BCAT1: variants seen among roughly 807,000 people sequenced by gnomAD.
BCAT1 encodes the protein branched-chain-amino-acid aminotransferase, cytosolic.
A neutral mutation model predicts 52.4 loss-of-function variants in BCAT1; 48 were observed. The observed-to-expected ratio is 0.92, with a 90% CI of 0.73 to 1.16. The LOEUF (loss-of-function observed/expected upper bound fraction) is 1.16. Ranked by LOEUF, BCAT1 falls within the 50% of genes most tolerant of loss-of-function variation. The pLI is 0.00. For synonymous variants in BCAT1, 167 were observed against 161.3 expected, an observed-to-expected ratio of 1.04 and a Z score of -0.27; for missense variants, 451 against 457.1, an observed-to-expected ratio of 0.99 and a Z score of 0.12.
chr12:24,901,988 G>A (rs1943117232), intron 1 of BCAT1, 103 bp from the exon 2 acceptor site: 6 of 1,603,598 alleles, frequency 3.7e-6, no homozygotes, highest in Non-Finnish European at 5.1e-6. Context: ...TCCTCTCCAG[G>A]ACCCAGGCAA....
chr12:24,812,839 AT>A lies in BCAT1; in HGVS notation c.*5168del, dbSNP rs1939734328. 6.6e-6 allele frequency: 1 copy of A among 152,024 alleles called. No individual in the cohort carries two copies. The highest frequency in any genetic ancestry group is 2.1e-4 in the South Asian group (1 of 4,820). 9.4% of individuals were successfully genotyped at this position (152,024 alleles called of 1,614,324 possible). A position where few individuals can be genotyped will look rare whatever the true frequency, so the allele number is the denominator to read the frequency against. On this transcript the variant is annotated 3_prime_UTR_variant, in exon 11 of 11. Coordinates refer to ENST00000261192, the MANE Select transcript of BCAT1 (RefSeq NM_005504.7). ...TGTAGAGAAAAGCCAGTGAAACTAT[AT>A]TTTAATTCATTCTTACACCACAGCC...
intron 1 of BCAT1, among the ~76,000 whole-genome samples, chr12:24,906,976 C>T (rs971683815): frequency 3.3e-5 from 5 of 152,192 alleles, no homozygotes; most frequent in Admixed American, 1.3e-4. Context: ...GAAGACATCT[C>T]CTCTTGGTCA....
chr12:24,930,991 C>A (rs982987556), intron 1 of BCAT1, among the ~76,000 whole-genome samples: 1 of 150,912 alleles, frequency 6.6e-6, no homozygotes. Flanking sequence ...CAACCTCCAC[C>A]TCCCAGGTTC....
intron 5 of BCAT1, among the ~76,000 whole-genome samples, chr12:24,853,942 C>T: frequency 6.6e-6 from 1 of 152,186 alleles, no homozygotes; most frequent in East Asian, 1.9e-4. Flanking sequence ...TTTAACTTCT[C>T]AAGAGACCAC....
chr12:24,921,080 G>A (rs1943494268), intron 1 of BCAT1, among the ~76,000 whole-genome samples: 1 of 151,928 alleles, frequency 6.6e-6, no homozygotes, highest in Admixed American at 6.6e-5. Flanking sequence ...GAGGCTCACG[G>A]GAAGGTAAAA....
chr12:24,870,976 T>C (rs531078995), intron 5 of BCAT1, among the ~76,000 whole-genome samples: 5 of 151,548 alleles, frequency 3.3e-5, no homozygotes, highest in African/African-American at 9.7e-5. Flanking sequence ...TGAGCTGAGA[T>C]CACACAACTG....
chr12:24,843,831 A>T (rs1033710866), intron 6 of BCAT1, among the ~76,000 whole-genome samples: 3 of 152,046 alleles, frequency 2.0e-5, no homozygotes, highest in Non-Finnish European at 4.4e-5. Flanking sequence ...CAGTCACATG[A>T]TTCCTTTTTT....
intron 1 of BCAT1, among the ~76,000 whole-genome samples, chr12:24,919,161 A>G (rs764914572): frequency 2.0e-5 from 3 of 152,276 alleles, no homozygotes; most frequent in Non-Finnish European, 4.4e-5. Context: ...AGATACCAGC[A>G]TAAAGTCAAT....
At chr12:24,905,547 T>C (rs903882840) in intron 1 of BCAT1, among the ~76,000 whole-genome samples, 1 of 152,248 alleles carries the variant, frequency 6.6e-6, no homozygotes, top group Non-Finnish European at 1.5e-5. Flanking sequence ...CAGAATCAGA[T>C]AACCTTAAAG....
chr12:24,856,288 C>A (rs1216587440), intron 5 of BCAT1, among the ~76,000 whole-genome samples: 2 of 152,164 alleles, frequency 1.3e-5, no homozygotes, highest in Non-Finnish European at 2.9e-5. Context: ...CCATACTGAA[C>A]CCCTTCCATT....
intron 1 of BCAT1, among the ~76,000 whole-genome samples, chr12:24,921,747 T>TAATAGC (rs1943502936): frequency 6.6e-6 from 1 of 152,214 alleles, no homozygotes; most frequent in Admixed American, 6.5e-5. Flanking sequence ...GTTGGTACCT[T>TAATAGC]TTGTTTTAAT....
chr12:24,877,335 A>G (rs576274905), intron 5 of BCAT1, among the ~76,000 whole-genome samples: 1 of 152,214 alleles, frequency 6.6e-6, no homozygotes, highest in East Asian at 1.9e-4. Flanking sequence ...TCCTTCCATC[A>G]ATTATCCCTC....
chr12:24,830,729 A>C (rs1940626395), intron 9 of BCAT1: 1 of 152,228 alleles, frequency 6.6e-6, no homozygotes, highest in South Asian at 2.1e-4. Flanking sequence ...ACTTAAAAAA[A>C]ATCTGGCCTA....
intron 1 of BCAT1, among the ~76,000 whole-genome samples, chr12:24,917,540 G>A (rs1943436757): frequency 6.6e-6 from 1 of 152,014 alleles, no homozygotes; most frequent in Admixed American, 6.6e-5. Flanking sequence ...TCAGAAACCT[G>A]TATTTAAGAC....
intron 1 of BCAT1, among the ~76,000 whole-genome samples, chr12:24,913,606 G>A (rs1226618923): frequency 6.6e-6 from 1 of 152,188 alleles, no homozygotes; most frequent in Non-Finnish European, 1.5e-5. Context: ...TTCCCCAACA[G>A]ACAATGCCCA....
Position 24,910,720 on chromosome 12 carries a change from A to T in BCAT1, c.7-8835T>A, listed in dbSNP as rs114086537. Among the ~76,000 whole-genome samples, 1,455 of 152,330 alleles carry T rather than the reference A, an allele frequency of 9.6e-3. 15 individuals are homozygous for T. The highest frequency in any genetic ancestry group is 0.034 in the African/African-American group (1,399 of 41,564). ...AAATCCTTCTTTTAAAGTCTTCTTG[A>T]TGATCAAAATTGTGTCACCCACTAT... is the stretch of plus-strand genomic sequence containing the variant. On this transcript the variant is annotated intron_variant, in intron 1 of 10. Transcript: ENST00000261192.
chr12:24,851,858 C>A (rs1941523830), intron 5 of BCAT1, among the ~76,000 whole-genome samples: 1 of 152,142 alleles, frequency 6.6e-6, no homozygotes, highest in Non-Finnish European at 1.5e-5. Flanking sequence ...TATTTAACCT[C>A]TCAGTTAAGA....
intron 1 of BCAT1, among the ~76,000 whole-genome samples, chr12:24,943,781 A>G (rs2352746): frequency 0.47 from 71,079 of 151,746 alleles, 16,841 homozygotes; most frequent in Middle Eastern, 0.64. Context: ...TCAGGAGATC[A>G]AGACCTTCCT....
At chr12:24,824,078 G>C (rs966608318) in intron 10 of BCAT1, among the ~76,000 whole-genome samples, 2 of 152,180 alleles carry the variant, frequency 1.3e-5, no homozygotes, top group Middle Eastern at 6.8e-3. Flanking sequence ...GCCTCCTAGA[G>C]TTTCCTTCCT....
Sources: allele counts gnomAD v4.1 joint callset (sites outside exome capture counted in the v4.1 genomes callset), GRCh38; gene constraint gnomAD v4.1.1; transcripts MANE v1.5; gene names NCBI Gene and HGNC (gene_info 2026-07-23, HGNC 2026-07-21).